Variants in STARD9 observed in about 807,000 individuals in gnomAD.
STARD9 encodes stAR-related lipid transfer protein 9.
A neutral mutation model predicts 399.8 loss-of-function variants in STARD9; 346 were observed. That is an observed-to-expected ratio of 0.87 (90% CI 0.79 to 0.95). STARD9 has a LOEUF of 0.95. Ranked by LOEUF, STARD9 falls within the 40% of genes least tolerant of loss-of-function variation. The probability of loss-of-function intolerance (pLI) is 0.00; values close to 1 mark genes in which losing one functional copy is unlikely to be tolerated. For missense variants in STARD9, 5,832 were observed against 5,667.5 expected, an observed-to-expected ratio of 1.03 and a Z score of -0.93; for synonymous variants, 2,203 against 2,143.5, an observed-to-expected ratio of 1.03 and a Z score of -0.77.
intron 9 of STARD9, among the ~76,000 whole-genome samples, chr15:42,654,687 GA>G (rs944693589): frequency 6.4e-4 from 93 of 145,384 alleles, no homozygotes; most frequent in African/African-American, 1.4e-3. Flanking sequence ...TACAATAGCT[GA>G]AAAAAAAAAA....
chr15:42,579,908 G>A (rs577822054), intron 1 of STARD9, among the ~76,000 whole-genome samples: 145 of 152,256 alleles, frequency 9.5e-4, no homozygotes, highest in African/African-American at 2.9e-3. Flanking sequence ...ATGATCAGGC[G>A]TTACCCACCA....
intron 3 of STARD9, among the ~76,000 whole-genome samples, chr15:42,612,070 G>A (rs954172511): frequency 6.6e-6 from 1 of 152,174 alleles, no homozygotes; most frequent in Non-Finnish European, 1.5e-5. Context: ...CTGGGCTCAA[G>A]TGATCATCCT....
At chr15:42,616,321 T>A (rs1427201471) in intron 3 of STARD9, among the ~76,000 whole-genome samples, 1 of 152,268 alleles carries the variant, frequency 6.6e-6, no homozygotes, top group African/African-American at 2.4e-5. Context: ...AAAGGCCATT[T>A]CAAAATATTA....
At position 42,688,933 on chromosome 15, in the gene STARD9, C is replaced by T. The variant is rs1356862829; in HGVS notation, c.7355C>T (p.Thr2452Ile). ...GACCATGGAAAGGACCTCAGAATCA[C>T]CTTGCTGGGTTTCAGTACCAGTGAA... Reference protein sequence around the residue: ...PQDHGKDLRITLLGFSTSEDF... With the variant: ...PQDHGKDLRIILLGFSTSEDF... The change falls in exon 23 of 33, where the codon ACC becomes ATC. Residue 2452 changes from threonine to isoleucine, a missense_variant. By Grantham distance (89) the Thr-to-Ile change is moderately conservative. Coordinates refer to ENST00000290607, the MANE Select transcript of STARD9 (RefSeq NM_020759.3). 3.9e-6 allele frequency: 6 copies of T among 1,537,434 alleles called. No homozygotes were observed. In the Admixed American group the frequency reaches 7.8e-5, roughly 20 times the overall value.
chr15:42,577,375 G>A (rs894836093), intron 1 of STARD9, among the ~76,000 whole-genome samples: 24 of 152,064 alleles, frequency 1.6e-4, no homozygotes, highest in African/African-American at 5.1e-4. Context: ...GGATGGTCTC[G>A]ATCTCCTGAC....
chr15:42,694,159 G>A lies in STARD9; in HGVS notation c.12581G>A (p.Arg4194Lys), dbSNP rs747771565. ...AGCCAGGATTCTGAGTGGTCCAAGAGGGAGCAGATCCCCCTGCAAGTTGGG... is the reference window on the plus strand; with the variant it reads ...AGCCAGGATTCTGAGTGGTCCAAGAAGGAGCAGATCCCCCTGCAAGTTGGG... ...DHSQDSEWSK[R>K]EQIPLQVGAQ... The change falls in exon 23 of 33, where the codon AGG (arginine) becomes AAG (lysine). Residue 4194 changes from arginine (R) to lysine (K), a missense_variant. Arg to Lys is a conservative substitution (Grantham distance 26, BLOSUM62 2). Transcript: ENST00000290607. 2.6e-4 allele frequency: 396 copies of A among 1,535,350 alleles called. No homozygotes were observed. The highest frequency in any genetic ancestry group is 3.3e-4 in the Non-Finnish European group (375 of 1,146,138).
At chr15:42,584,497 TC>T (rs2058235624) in intron 2 of STARD9, among the ~76,000 whole-genome samples, 1 of 152,242 alleles carries the variant, frequency 6.6e-6, no homozygotes, top group Non-Finnish European at 1.5e-5. Flanking sequence ...GCTGCTGACT[TC>T]CCTGTGGTCA....
intron 3 of STARD9, among the ~76,000 whole-genome samples, chr15:42,621,103 A>G (rs1445093167): frequency 7.9e-5 from 12 of 152,286 alleles, no homozygotes; most frequent in Non-Finnish European, 5.9e-5. Context: ...TTACATTCAG[A>G]TTATGTATCC....
Position 42,692,026 on chromosome 15 carries a change from G to A in STARD9, c.10448G>A (p.Trp3483Ter), listed in dbSNP as rs1164797867. ...CCGGAGGAGCCTGCACGTATCAGCTGGAAGCAGTATATGTCTGGCAGTGCA... is the reference window on the plus strand; with the variant it reads ...CCGGAGGAGCCTGCACGTATCAGCTAGAAGCAGTATATGTCTGGCAGTGCA... Reference protein sequence around the residue: ...WRPEEPARISWKQYMSGSAVD... With the variant: ...WRPEEPARIS Residue 3483 changes from tryptophan to a stop codon, truncating the protein, a stop_gained, in exon 23 of 33, where the codon TGG becomes TAG. Transcript: ENST00000290607. LOFTEE classifies it high-confidence loss of function. The A allele has an allele frequency of 6.5e-7, 1 of 1,537,268 alleles. No homozygotes were observed. The highest frequency in any genetic ancestry group is 2.0e-5 in the Admixed American group (1 of 50,998).
chr15:42,688,253 G>GTT lies in STARD9; in HGVS notation c.6677_6678dup (p.Val2227LeufsTer2), dbSNP rs2060609527. 2.6e-6 allele frequency: 4 copies of GTT among 1,537,592 alleles called. No individual in the cohort carries two copies. Among genetic ancestry groups the GTT allele is most frequent in the Non-Finnish European group, 3.5e-6 (4 of 1,147,002 alleles). ...AGAGGTCTTCTAAGAATAATGGCCA[G>GTT]TTTGTAAAAGCATCAGCAAGTCTCA... is the stretch of plus-strand genomic sequence containing the variant. On this transcript the variant is annotated frameshift_variant, in exon 23 of 33. Transcript: ENST00000290607. LOFTEE classifies it high-confidence loss of function.
chr15:42,577,732 C>A (rs1392027379), intron 1 of STARD9, among the ~76,000 whole-genome samples: 2 of 152,202 alleles, frequency 1.3e-5, no homozygotes, highest in Non-Finnish European at 2.9e-5. Context: ...CGGATCACTT[C>A]CCTCTTCTCA....
intron 2 of STARD9, 89 bp downstream of exon 2, chr15:42,583,504 T>G: frequency 1.1e-6 from 1 of 931,430 alleles, no homozygotes; most frequent in Non-Finnish European, 1.6e-6. Context: ...TATGTGAATG[T>G]GTTTAGAGTT....
intron 20 of STARD9, 137 bp from the exon 21 acceptor site, chr15:42,681,285 C>T (rs1026692512): frequency 2.4e-6 from 2 of 817,126 alleles, no homozygotes; most frequent in African/African-American, 1.7e-5. Context: ...CCTGTTTGTC[C>T]AAGGTTGCCA....
At chr15:42,596,634 TC>T (rs2058511285) in intron 3 of STARD9, among the ~76,000 whole-genome samples, 1 of 152,122 alleles carries the variant, frequency 6.6e-6, no homozygotes, top group African/African-American at 2.4e-5. Context: ...ATTTCTGTAG[TC>T]CTCTGTTTGG....
At chr15:42,624,976 A>G (rs2059170732) in intron 3 of STARD9, among the ~76,000 whole-genome samples, 1 of 152,220 alleles carries the variant, frequency 6.6e-6, no homozygotes, top group African/African-American at 2.4e-5. Flanking sequence ...TTACAGACCC[A>G]TAGAGATAAG....
intron 32 of STARD9, 108 bp downstream of exon 32, chr15:42,719,018 T>TG: frequency 9.6e-7 from 1 of 1,039,118 alleles, no homozygotes; most frequent in Non-Finnish European, 1.4e-6. Context: ...CCAGGCCCTT[T>TG]GGCCTGAGAC....
In STARD9 at chr15:42,634,915, C is replaced by T. The variant is rs1422067809; in HGVS notation, c.294C>T (p.Cys98=). 6.5e-7 allele frequency: 1 copy of T among 1,536,922 alleles called. No homozygotes were observed. Among genetic ancestry groups the T allele is most frequent in the East Asian group, 2.4e-5 (1 of 40,896 alleles). The change falls in exon 4 of 33, where the codon TGC becomes TGT. Residue 98 remains cysteine (C), a synonymous_variant. Coordinates refer to ENST00000290607, the MANE Select transcript of STARD9 (RefSeq NM_020759.3). The part of the protein sequence containing the change: ...LSGVAKGYNI[C]LFAYGQTGSG... The stretch of plus-strand genomic sequence containing the variant: ...GAGTTGCCAAAGGCTATAACATATG[C>T]CTTTTTGCTTATGGACAGACAGGCT...
At chr15:42,597,077 A>G (rs2058521636) in intron 3 of STARD9, among the ~76,000 whole-genome samples, 1 of 152,174 alleles carries the variant, frequency 6.6e-6, no homozygotes, top group Admixed American at 6.5e-5. Context: ...GATTCTGTTT[A>G]CGATTGTGTG....
At chr15:42,648,157 T>A (rs1160051180) in intron 7 of STARD9, among the ~76,000 whole-genome samples, 1 of 152,028 alleles carries the variant, frequency 6.6e-6, no homozygotes, top group Non-Finnish European at 1.5e-5. Flanking sequence ...ACAAGTTCTC[T>A]TTTGGCTTTT....
Sources: allele counts gnomAD v4.1 joint callset (sites outside exome capture counted in the v4.1 genomes callset), GRCh38; gene constraint gnomAD v4.1.1; transcripts MANE v1.5; gene names NCBI Gene and HGNC (gene_info 2026-07-23, HGNC 2026-07-21).